Variants in BMPR1B observed in about 807,000 individuals in gnomAD.
The protein encoded by BMPR1B is bone morphogenetic protein receptor type 1B.
BMPR1B carries 12 observed loss-of-function variants against 59.1 expected under a neutral mutation model. The observed-to-expected ratio is 0.20, with a 90% confidence interval of 0.13 to 0.33. The LOEUF is 0.33. BMPR1B is among the 10% of genes least tolerant of loss of function. The pLI is 1.00. For synonymous variants in BMPR1B, 237 were observed against 207.3 expected, an observed-to-expected ratio of 1.14 and a Z score of -1.23; for missense variants, 550 against 610.9, an observed-to-expected ratio of 0.90 and a Z score of 1.05.
chr4:94,888,027 A>G (rs1727249948), intron 2 of BMPR1B, among the ~76,000 whole-genome samples: 2 of 152,086 alleles, frequency 1.3e-5, no homozygotes, highest in East Asian at 1.9e-4. Context: ...TAATTAGACT[A>G]GCATTAGCTA....
At chr4:94,935,816 T>C (rs935166753) in intron 2 of BMPR1B, among the ~76,000 whole-genome samples, 2 of 152,128 alleles carry the variant, frequency 1.3e-5, no homozygotes, top group Non-Finnish European at 2.9e-5. Context: ...GCTCAGAAAA[T>C]GTTAGCGGGG....
intron 1 of BMPR1B, among the ~76,000 whole-genome samples, chr4:94,867,741 ACATAAGTTTT>A (rs1726303509): frequency 6.6e-6 from 1 of 152,224 alleles, no homozygotes; most frequent in Non-Finnish European, 1.5e-5. Flanking sequence ...CCTTGGGAAA[ACATAAGTTTT>A]CATAACCTTC....
intron 2 of BMPR1B, among the ~76,000 whole-genome samples, chr4:94,892,910 T>C (rs1220367090): frequency 6.6e-6 from 1 of 152,044 alleles, no homozygotes; most frequent in African/African-American, 2.4e-5. Context: ...ACTTTGGAGT[T>C]CAGTTTGAGT....
At chr4:94,777,994 C>G (rs570137193) in intron 1 of BMPR1B, among the ~76,000 whole-genome samples, 1 of 151,730 alleles carries the variant, frequency 6.6e-6, no homozygotes, top group South Asian at 2.1e-4. Context: ...GCATTGCACT[C>G]CAGCCTGGGC....
intron 1 of BMPR1B, among the ~76,000 whole-genome samples, chr4:94,762,756 TGA>T (rs888220171): frequency 1.3e-5 from 2 of 151,998 alleles, no homozygotes; most frequent in African/African-American, 2.4e-5. Flanking sequence ...ATGATGTAGC[TGA>T]GAGTTTGTTG....
At chr4:95,131,107 G>A in intron 9 of BMPR1B, 108 bp from the exon 10 acceptor site, 1 of 1,192,358 alleles carries the variant, frequency 8.4e-7, no homozygotes, top group Non-Finnish European at 1.2e-6. Context: ...GAAATTGAAT[G>A]AAATGCTAAA....
chr4:95,144,674 C>T (rs912126035), intron 10 of BMPR1B, among the ~76,000 whole-genome samples: 2 of 152,042 alleles, frequency 1.3e-5, no homozygotes, highest in Non-Finnish European at 2.9e-5. Flanking sequence ...CTAGTGGCAG[C>T]ATTGATTATT....
intron 1 of BMPR1B, among the ~76,000 whole-genome samples, chr4:94,856,125 C>T (rs1048801208): frequency 2.6e-5 from 4 of 152,110 alleles, no homozygotes; most frequent in African/African-American, 4.8e-5. Context: ...AACAGATTGT[C>T]TCATGAAAAA....
chr4:95,094,883 G>A (rs1005695999), intron 3 of BMPR1B, among the ~76,000 whole-genome samples: 1 of 151,780 alleles, frequency 6.6e-6, no homozygotes, highest in Non-Finnish European at 1.5e-5. Flanking sequence ...AGATTCCTGT[G>A]TAGGTAACAT....
intron 10 of BMPR1B, among the ~76,000 whole-genome samples, chr4:95,142,494 A>G (rs903902016): frequency 6.6e-6 from 1 of 152,022 alleles, no homozygotes; most frequent in African/African-American, 2.4e-5. Flanking sequence ...ATTTCATAAG[A>G]AGCTTTTTAG....
At chr4:95,149,419 C>G (rs1360049499) in intron 11 of BMPR1B, among the ~76,000 whole-genome samples, 1 of 152,114 alleles carries the variant, frequency 6.6e-6, no homozygotes, top group Non-Finnish European at 1.5e-5. Context: ...TTGAAAACAT[C>G]AGTTTTTTAT....
intron 2 of BMPR1B, among the ~76,000 whole-genome samples, chr4:94,931,492 G>C (rs560502626): frequency 1.3e-5 from 2 of 152,072 alleles, no homozygotes; most frequent in African/African-American, 2.4e-5. Context: ...GAGCTTTGGG[G>C]GAAGCTGAAG....
intron 2 of BMPR1B, among the ~76,000 whole-genome samples, chr4:94,979,679 T>C (rs535984810): frequency 1.3e-3 from 193 of 152,352 alleles, no homozygotes; most frequent in Middle Eastern, 0.01. Context: ...TCAAAATTCA[T>C]CTTTTCAAAT....
intron 2 of BMPR1B, among the ~76,000 whole-genome samples, chr4:94,883,264 G>C (rs915233675): frequency 6.6e-6 from 1 of 152,056 alleles, no homozygotes; most frequent in Non-Finnish European, 1.5e-5. Flanking sequence ...ACTACATGCC[G>C]GATTTCTGTG....
chr4:95,127,109 A>G (rs976395942), intron 8 of BMPR1B, among the ~76,000 whole-genome samples: 1 of 146,758 alleles, frequency 6.8e-6, no homozygotes, highest in Admixed American at 7.0e-5. Flanking sequence ...AATAGTGATA[A>G]TTCTTTATAA....
intron 2 of BMPR1B, among the ~76,000 whole-genome samples, chr4:94,882,967 C>CGTGTGTGTGTGT (rs375751655): frequency 2.2e-5 from 3 of 136,718 alleles, no homozygotes; most frequent in East Asian, 2.1e-4. Context: ...TGTGTGTGTG[C>CGTGTGTGTGTGT]GTGTGTGTGT....
intron 2 of BMPR1B, among the ~76,000 whole-genome samples, chr4:94,919,532 C>T (rs903120840): frequency 6.6e-6 from 1 of 151,472 alleles, no homozygotes; most frequent in South Asian, 2.1e-4. Flanking sequence ...ATTACTACCC[C>T]CTTTATCCAC....
At chr4:94,794,334 T>C (rs990073534) in intron 1 of BMPR1B, among the ~76,000 whole-genome samples, 1 of 151,748 alleles carries the variant, frequency 6.6e-6, no homozygotes, top group East Asian at 1.9e-4. Flanking sequence ...GCTGCAGATA[T>C]GTGGCGTTAT....
chr4:94,796,167 G>C (rs146460119), intron 1 of BMPR1B, among the ~76,000 whole-genome samples: 36 of 151,904 alleles, frequency 2.4e-4, no homozygotes, highest in African/African-American at 7.7e-4. Context: ...GTTTCACCAT[G>C]TTGGCCAGGC....
Sources: gnomAD v4.1 joint callset for allele counts (sites outside exome capture counted in the v4.1 genomes callset) on GRCh38, gnomAD v4.1.1 for gene constraint, MANE v1.5 for transcripts, NCBI Gene and HGNC (gene_info 2026-07-23, HGNC 2026-07-21) for gene names.